Variants in CARMIL1 observed in about 807,000 individuals in gnomAD.
CARMIL1 encodes the protein capping protein regulator and myosin 1 linker 1, also known as F-actin-uncapping protein LRRC16A.
In CARMIL1, 90 loss-of-function variants were observed where a neutral mutation model predicts 177.1. The observed-to-expected ratio is 0.51, with a 90% CI of 0.43 to 0.61. The LOEUF is 0.61. Among genes scored for constraint, CARMIL1 ranks in the 20% least tolerant of loss-of-function variants. The probability of loss-of-function intolerance (pLI) is 0.00; values close to 1 mark genes in which losing one functional copy is unlikely to be tolerated. For synonymous variants in CARMIL1, 577 were observed against 606.2 expected (o/e 0.95, Z 0.71); for missense variants, 1,380 against 1,667.0 (o/e 0.83, Z 3.00).
chr6:25,292,908 CT>C (rs1782088652), intron 2 of CARMIL1, among the ~76,000 whole-genome samples: 1 of 151,832 alleles, frequency 6.6e-6, no homozygotes, highest in Non-Finnish European at 1.5e-5. Context: ...GAGAACTCTT[CT>C]TTTTTTCATA....
chr6:25,487,223 A>T (rs912445701), intron 12 of CARMIL1, among the ~76,000 whole-genome samples: 2 of 152,192 alleles, frequency 1.3e-5, no homozygotes, highest in Non-Finnish European at 2.9e-5. Flanking sequence ...AGCTCACAGC[A>T]GGGAGGTGCT....
At chr6:25,402,986 A>G (rs1794017283) in intron 2 of CARMIL1, among the ~76,000 whole-genome samples, 2 of 152,098 alleles carry the variant, frequency 1.3e-5, no homozygotes, top group Admixed American at 1.3e-4. Flanking sequence ...TTTTTCCCCT[A>G]CTGAGGACAA....
chr6:25,315,000 T>C (rs1784157629), intron 2 of CARMIL1, among the ~76,000 whole-genome samples: 1 of 152,148 alleles, frequency 6.6e-6, no homozygotes, highest in Admixed American at 6.5e-5. Flanking sequence ...AAAAATACAA[T>C]AGCTCCTATT....
intron 8 of CARMIL1, among the ~76,000 whole-genome samples, chr6:25,459,228 T>TTCTG: frequency 1.2e-5 from 1 of 84,552 alleles, no homozygotes; most frequent in South Asian, 5.2e-4. Flanking sequence ...CTTTCTTTCT[T>TTCTG]TCTTTCTTTC....
intron 35 of CARMIL1, among the ~76,000 whole-genome samples, chr6:25,608,035 A>G (rs1816151200): frequency 6.6e-6 from 1 of 152,212 alleles, no homozygotes; most frequent in Non-Finnish European, 1.5e-5. Flanking sequence ...AATAGAAAAA[A>G]TTTTTAATAG....
At chr6:25,352,790 GCT>G (rs1788237328) in intron 2 of CARMIL1, among the ~76,000 whole-genome samples, 1 of 152,128 alleles carries the variant, frequency 6.6e-6, no homozygotes, top group African/African-American at 2.4e-5. Context: ...TGCTGGAGTA[GCT>G]CTCTCTTACC....
chr6:25,320,790 T>C (rs56000982), intron 2 of CARMIL1, among the ~76,000 whole-genome samples: 7,751 of 152,310 alleles, frequency 0.051, 316 homozygotes, highest in African/African-American at 0.11. Flanking sequence ...CTTAAAGATC[T>C]AGACCAGGGG....
At chr6:25,484,676 C>G (rs1802453082) in intron 12 of CARMIL1, among the ~76,000 whole-genome samples, 1 of 152,156 alleles carries the variant, frequency 6.6e-6, no homozygotes, top group South Asian at 2.1e-4. Context: ...AATAAGAAGG[C>G]AAACCCCCTC....
intron 2 of CARMIL1, among the ~76,000 whole-genome samples, chr6:25,296,448 A>G (rs918371551): frequency 5.3e-5 from 8 of 152,192 alleles, no homozygotes; most frequent in Non-Finnish European, 1.2e-4. Context: ...GGCAGATAGG[A>G]TGATATTCCT....
At chr6:25,309,895 G>A (rs527769348) in intron 2 of CARMIL1, among the ~76,000 whole-genome samples, 1 of 151,262 alleles carries the variant, frequency 6.6e-6, no homozygotes, top group Non-Finnish European at 1.5e-5. Context: ...TCAGCTTCTC[G>A]AGTAGTTGGG....
At chr6:25,608,517 A>G (rs1191754661) in intron 35 of CARMIL1, among the ~76,000 whole-genome samples, 2 of 152,166 alleles carry the variant, frequency 1.3e-5, no homozygotes, top group Non-Finnish European at 2.9e-5. Flanking sequence ...TGAATATAAA[A>G]CTAGCTGAAT....
At chr6:25,602,253 A>G (rs946602049) in intron 33 of CARMIL1, among the ~76,000 whole-genome samples, 3 of 152,202 alleles carry the variant, frequency 2.0e-5, no homozygotes, top group Non-Finnish European at 4.4e-5. Flanking sequence ...CTCACTCAAC[A>G]AAGGAGGCAT....
intron 3 of CARMIL1, among the ~76,000 whole-genome samples, chr6:25,421,580 T>G (rs1187882869): frequency 6.6e-6 from 1 of 151,968 alleles, no homozygotes; most frequent in South Asian, 2.1e-4. Flanking sequence ...CACACGTATG[T>G]TTATTGCGGC....
intron 2 of CARMIL1, among the ~76,000 whole-genome samples, chr6:25,405,292 G>A (rs1480207761): frequency 6.6e-6 from 1 of 152,162 alleles, no homozygotes; most frequent in Non-Finnish European, 1.5e-5. Context: ...TTTAGAAGAT[G>A]GGCTGCCTTA....
At chr6:25,449,825 G>C (rs1798605582) in intron 5 of CARMIL1, 73 bp from the exon 6 acceptor site, 1 of 816,882 alleles carries the variant, frequency 1.2e-6, no homozygotes, top group Non-Finnish European at 1.9e-6. Flanking sequence ...AAAAAGGAAT[G>C]TGACAAAATT....
intron 2 of CARMIL1, among the ~76,000 whole-genome samples, chr6:25,300,496 G>A (rs901442973): frequency 6.8e-6 from 1 of 147,116 alleles, no homozygotes; most frequent in East Asian, 1.9e-4. Context: ...GCAAACTCCT[G>A]TCTCTGCTAA....
chr6:25,407,829 T>G (rs10807003), intron 2 of CARMIL1, among the ~76,000 whole-genome samples: 86,476 of 151,958 alleles, frequency 0.57, 24,806 homozygotes, highest in East Asian at 0.7. Flanking sequence ...AGGGTAGTGG[T>G]AGTACCTGAA....
At chr6:25,466,009 ATTGTGGG>A in intron 9 of CARMIL1, 61 bp downstream of exon 9, 1 of 1,321,300 alleles carries the variant, frequency 7.6e-7, no homozygotes, top group Non-Finnish European at 1.1e-6. Flanking sequence ...AAACCCAATA[ATTGTGGG>A]AAAAAAACAA....
intron 8 of CARMIL1, among the ~76,000 whole-genome samples, chr6:25,465,213 A>G (rs1800495382): frequency 6.6e-6 from 1 of 152,058 alleles, no homozygotes; most frequent in African/African-American, 2.4e-5. Flanking sequence ...ACTATATGAG[A>G]TAATTGATGG....
Sources: gnomAD v4.1 joint callset for allele counts (sites outside exome capture counted in the v4.1 genomes callset) on GRCh38, gnomAD v4.1.1 for gene constraint, MANE v1.5 for transcripts, NCBI Gene and HGNC (gene_info 2026-07-23, HGNC 2026-07-21) for gene names.